Variants in SLC49A4 observed in about 807,000 individuals in gnomAD.
SLC49A4 encodes disrupted in renal cancer protein 2.
SLC49A4 carries 36 observed loss-of-function variants against 50.6 expected under a neutral mutation model. The ratio of observed to expected loss-of-function variants is 0.71; its 90% CI spans 0.55 to 0.94. The LOEUF is 0.94. SLC49A4 is among the 40% of genes least tolerant of loss of function. The pLI is 0.00. For synonymous variants in SLC49A4, 248 were observed against 241.2 expected, an observed-to-expected ratio of 1.03 and a Z score of -0.26; for missense variants, 503 against 605.7, an observed-to-expected ratio of 0.83 and a Z score of 1.78.
In SLC49A4 at chr3:122,879,289, C is replaced by T. The variant is rs1384340254; in HGVS notation, c.1348C>T (p.Pro450Ser). ...TELSWFNWCLPGSCLLSLLLI... is the reference protein window; with the variant it reads ...TELSWFNWCLSGSCLLSLLLI... ...GTTGTCTTGGTTCAACTGGTGCCTT[C>T]CCGGGTCGTGTTTGCTCAGTCTCCT... The change falls in exon 9 of 9, where the codon CCC becomes TCC. Residue 450 changes from proline (P) to serine (S), a missense_variant. By Grantham distance (74) the Pro-to-Ser change is moderately conservative. Coordinates refer to ENST00000261038, the MANE Select transcript of SLC49A4 (RefSeq NM_032839.3). 3.1e-6 allele frequency: 5 copies of T among 1,613,896 alleles called. No homozygotes were observed. Among genetic ancestry groups the T allele is most frequent in the Non-Finnish European group, 4.2e-6 (5 of 1,179,926 alleles).
chr3:122,852,239 G>C (rs777744082), intron 5 of SLC49A4, among the ~76,000 whole-genome samples: 5 of 152,110 alleles, frequency 3.3e-5, no homozygotes, highest in African/African-American at 4.8e-5. Flanking sequence ...TGATTCGCCT[G>C]CTTTGGCTTC....
chr3:122,813,424 C>CA (rs1936326482), intron 2 of SLC49A4, among the ~76,000 whole-genome samples: 1 of 151,924 alleles, frequency 6.6e-6, no homozygotes, highest in Admixed American at 6.6e-5. Flanking sequence ...GAAGTATATA[C>CA]AACATACATG....
chr3:122,831,740 C>T (rs150442681), intron 3 of SLC49A4, among the ~76,000 whole-genome samples: 2 of 152,082 alleles, frequency 1.3e-5, no homozygotes, highest in Non-Finnish European at 2.9e-5. Context: ...TAAATGTGTG[C>T]ATTGTATGTC....
At chr3:122,817,757 T>C (rs1936392809) in intron 2 of SLC49A4, among the ~76,000 whole-genome samples, 1 of 124,598 alleles carries the variant, frequency 8.0e-6, no homozygotes, top group Non-Finnish European at 1.8e-5. Context: ...ATTTTTTTTT[T>C]TTTTTTTTTT....
chr3:122,808,239 A>C (rs1200910136), intron 2 of SLC49A4, among the ~76,000 whole-genome samples: 1 of 152,218 alleles, frequency 6.6e-6, no homozygotes, highest in South Asian at 2.1e-4. Context: ...TATGTTTGTG[A>C]TGTAGTTTCA....
Position 122,797,927 on chromosome 3 carries a change from G to C in SLC49A4, c.343+2392G>C, listed in dbSNP as rs141691272. On this transcript the variant is annotated intron_variant, in intron 1 of 8. Coordinates refer to ENST00000261038, the MANE Select transcript of SLC49A4 (RefSeq NM_032839.3). The stretch of plus-strand genomic sequence containing the variant: ...GCCCAGGAAGTAGAGGCTGCAGTGA[G>C]CTATGATTGCTCCACTGCACTCCAG... Among the ~76,000 whole-genome samples the C allele has an allele frequency of 3.6e-4, 55 of 152,334 alleles. 1 individual carries two copies. The East Asian group carries it at 9.6e-3, about 27-fold the overall frequency.
chr3:122,870,700 A>G (rs1299939647), intron 7 of SLC49A4, among the ~76,000 whole-genome samples: 1 of 151,546 alleles, frequency 6.6e-6, no homozygotes, highest in Non-Finnish European at 1.5e-5. Context: ...GTAATCCCAC[A>G]TGCTCAGGAG....
chr3:122,860,265 CTGACAGTAGGACTTCTTCTTGCTTTCTGT>C (rs1937045359), intron 7 of SLC49A4, 63 bp downstream of exon 7: 2 of 1,405,112 alleles, frequency 1.4e-6, no homozygotes, highest in Admixed American at 5.1e-5. Flanking sequence ...GTACATAACT[CTGACAGTAGGACTTCTTCTTGCTTTCTGT>C]AAGTAATTGT....
chr3:122,862,886 A>C (rs1310735565), intron 7 of SLC49A4, among the ~76,000 whole-genome samples: 2 of 152,152 alleles, frequency 1.3e-5, no homozygotes, highest in Non-Finnish European at 2.9e-5. Context: ...AGCATGTTTT[A>C]ATTTTATAAT....
At chr3:122,803,642 C>T (rs541694447) in intron 1 of SLC49A4, among the ~76,000 whole-genome samples, 4 of 152,280 alleles carry the variant, frequency 2.6e-5, no homozygotes, top group South Asian at 4.2e-4. Context: ...TGTGGAGCCA[C>T]GGGAGGGTGG....
intron 2 of SLC49A4, among the ~76,000 whole-genome samples, chr3:122,821,533 A>T (rs1039621338): frequency 1.3e-5 from 2 of 152,194 alleles, no homozygotes; most frequent in Non-Finnish European, 1.5e-5. Context: ...TGCAAGAGAA[A>T]TGCAGTCCAT....
intron 4 of SLC49A4, among the ~76,000 whole-genome samples, chr3:122,836,990 A>T (rs1029630526): frequency 2.0e-5 from 3 of 152,222 alleles, no homozygotes; most frequent in African/African-American, 4.8e-5. Flanking sequence ...AATACCTAGG[A>T]ATCCAACTTA....
At chr3:122,812,895 A>G (rs1039889281) in intron 2 of SLC49A4, among the ~76,000 whole-genome samples, 1 of 152,196 alleles carries the variant, frequency 6.6e-6, no homozygotes, top group Non-Finnish European at 1.5e-5. Context: ...AGGTGGACTT[A>G]AGAAAGATTT....
rs201411278 is a variant in SLC49A4 at position 122,826,997 on chromosome 3, C to T, written c.635C>T (p.Ser212Leu). ...GTTGTTCCAGCTCCCAATGGGACAT[C>T]ACCTCTTCTTGCTGCAGAGAGCAGC... is the stretch of plus-strand genomic sequence containing the variant. Reference protein sequence around the residue: ...PLVVPAPNGTSPLLAAESSRA... With the variant: ...PLVVPAPNGTLPLLAAESSRA... The change falls in exon 3 of 9, where the codon TCA (serine) becomes TTA (leucine). Residue 212 changes from serine (S) to leucine (L), a missense_variant. Physicochemically the swap from Ser to Leu is moderately radical, Grantham distance 145. Transcript: ENST00000261038. The T allele has an allele frequency of 6.8e-6, 11 of 1,614,204 alleles. No homozygotes were observed. The Admixed American group carries it at 1.3e-4, about 20-fold the overall frequency.
intron 2 of SLC49A4, among the ~76,000 whole-genome samples, chr3:122,814,116 C>G (rs979126156): frequency 2.6e-5 from 4 of 152,094 alleles, no homozygotes; most frequent in African/African-American, 7.2e-5. Flanking sequence ...ACTAAAAATA[C>G]GAAAATTATC....
chr3:122,874,998 C>G (rs1317907483), intron 8 of SLC49A4, among the ~76,000 whole-genome samples: 2 of 152,144 alleles, frequency 1.3e-5, no homozygotes, highest in Non-Finnish European at 1.5e-5. Flanking sequence ...AAACATCGTC[C>G]ACATCTCTCT....
chr3:122,803,452 G>C (rs1490433971), intron 1 of SLC49A4, among the ~76,000 whole-genome samples: 1 of 152,232 alleles, frequency 6.6e-6, no homozygotes, highest in Non-Finnish European at 1.5e-5. Context: ...TCAGGATAAA[G>C]ATGACCTGTG....
chr3:122,829,731 G>GACAA (rs546716514), intron 3 of SLC49A4, among the ~76,000 whole-genome samples: 8 of 152,128 alleles, frequency 5.3e-5, no homozygotes, highest in Non-Finnish European at 1.2e-4. Context: ...CAGCCTGGGT[G>GACAA]ACAAACAAAC....
At chr3:122,797,255 T>C (rs907616598) in intron 1 of SLC49A4, among the ~76,000 whole-genome samples, 2 of 152,196 alleles carry the variant, frequency 1.3e-5, no homozygotes, top group South Asian at 4.1e-4. Context: ...AGTTCTGAGC[T>C]TGATTCTGAG....
Sources: allele counts gnomAD v4.1 joint callset (sites outside exome capture counted in the v4.1 genomes callset), GRCh38; gene constraint gnomAD v4.1.1; transcripts MANE v1.5; gene names NCBI Gene and HGNC (gene_info 2026-07-23, HGNC 2026-07-21).